The following PLEKHG2 variants were observed in gnomAD, a reference collection of about 807,000 sequenced individuals.
PLEKHG2 encodes the protein pleckstrin homology and RhoGEF domain containing G2.
PLEKHG2 carries 71 observed loss-of-function variants against 104.4 expected under a neutral mutation model. The ratio of observed to expected loss-of-function variants is 0.68; its 90% confidence interval spans 0.56 to 0.83. PLEKHG2 has a LOEUF of 0.83. Ranked by LOEUF, PLEKHG2 falls within the 40% of genes least tolerant of loss-of-function variation. The pLI is 0.00. For missense variants in PLEKHG2, 1,730 were observed against 1,809.4 expected, an observed-to-expected ratio of 0.96 and a Z score of 0.80; for synonymous variants, 728 against 737.0, an observed-to-expected ratio of 0.99 and a Z score of 0.20.
chr19:39,418,241 G>C (rs948239982), intron 9 of PLEKHG2, 136 bp downstream of exon 9: 3 of 786,386 alleles, frequency 3.8e-6, no homozygotes, highest in Non-Finnish European at 5.4e-6. Context: ...GCCAAGGGAA[G>C]CTTTCTTTCT....
Position 39,425,280 on chromosome 19 carries a change from C to G in PLEKHG2, c.4147C>G (p.Pro1383Ala), listed in dbSNP as rs2078768326. 1.2e-6 allele frequency: 2 copies of G among 1,610,868 alleles called. No homozygotes were observed. The highest frequency in any genetic ancestry group is 1.3e-5 in the African/African-American group (1 of 74,746). Residue 1383 changes from proline (P) to alanine (A), a missense_variant, in exon 19 of 19, where the codon CCC (proline) becomes GCC (alanine). Physicochemically the swap from Pro to Ala is conservative, Grantham distance 27. Coordinates refer to ENST00000425673, the MANE Select transcript of PLEKHG2 (RefSeq NM_022835.3). ...CAGGGCCCAGGGGGCTCCTGATGCC[C>G]CCTTCCACATGTGAGCCAGGACATG... is the stretch of plus-strand genomic sequence containing the variant. Reference protein sequence around the residue: ...LHRAQGAPDAPFHM With the variant: ...LHRAQGAPDAAFHM
In PLEKHG2 at chr19:39,416,844, CCCCAGCTCCCTGG is replaced by C; in HGVS notation, c.594-2_604del. On this transcript the variant is annotated splice_acceptor_variant and splice_polypyrimidine_tract_variant and coding_sequence_variant and intron_variant, in exon 7 of 19. Transcript: ENST00000425673. LOFTEE classifies it high-confidence loss of function. The surrounding 1 kb of genome is among the most constrained non-coding windows in gnomAD (Gnocchi z 4.5). ...CAATCCCCACTGACCTGTGCTGTGC[CCCCAGCTCCCTGG>C]CCCTGCTCCGGGAGCTGTCGTTGTC... 6.3e-7 allele frequency: 1 copy of C among 1,598,172 alleles called. No homozygotes were observed. Among genetic ancestry groups the C allele is most frequent in the Non-Finnish European group, 8.5e-7 (1 of 1,173,108 alleles).
Position 39,425,638 on chromosome 19 carries a change from A to C in PLEKHG2, c.*344A>C. ...GGAATCTCAGACTCCTTTGAGAATTATTGGAAAATGGACCCACTATAACTT... is the reference window on the plus strand; with the variant it reads ...GGAATCTCAGACTCCTTTGAGAATTCTTGGAAAATGGACCCACTATAACTT... On this transcript the variant is annotated 3_prime_UTR_variant, in exon 19 of 19. Coordinates refer to ENST00000425673, the MANE Select transcript of PLEKHG2 (RefSeq NM_022835.3). 2.5e-6 allele frequency: 1 copy of C among 399,990 alleles called. No individual in the cohort carries two copies. The highest frequency in any genetic ancestry group is 4.4e-6 in the Non-Finnish European group (1 of 228,060). 24.8% of individuals were successfully genotyped at this position (399,990 alleles called of 1,614,324 possible).
chr19:39,423,964 C>T lies in PLEKHG2; in HGVS notation c.2831C>T (p.Ser944Phe), dbSNP rs2078743009. 1 of 1,614,184 alleles carries T rather than the reference C, an allele frequency of 6.2e-7. No individual in the cohort carries two copies. Among genetic ancestry groups the T allele is most frequent in the Non-Finnish European group, 8.5e-7 (1 of 1,180,020 alleles). The change falls in exon 19 of 19, where the codon TCC (serine) becomes TTC (phenylalanine). Residue 944 changes from serine to phenylalanine, a missense_variant. Coordinates refer to ENST00000425673, the MANE Select transcript of PLEKHG2 (RefSeq NM_022835.3). ...AATLLPEQGG[S>F]RHVQAPAATP... ...ACCCTTTTGCCTGAGCAAGGAGGTT[C>T]CCGGCATGTCCAGGCTCCAGCCGCC...
chr19:39,422,333 G>C, intron 17 of PLEKHG2, 45 bp downstream of exon 17: 3 of 1,578,750 alleles, frequency 1.9e-6, no homozygotes, highest in Non-Finnish European at 2.6e-6. Context: ...CTCTGGGTGT[G>C]GGCACACAGA....
At position 39,416,993 on chromosome 19, in the gene PLEKHG2, T is replaced by C. The variant is rs1163822551; in HGVS notation, c.737T>C (p.Leu246Pro). Residue 246 changes from leucine (L) to proline (P), a missense_variant, in exon 7 of 19, where the codon CTG (leucine) becomes CCG (proline). Transcript: ENST00000425673. The surrounding 1 kb of genome is among the most constrained non-coding windows in gnomAD (Gnocchi z 4.5). The stretch of plus-strand genomic sequence containing the variant: ...CAGCGCATTCTCAAGTACCATCTGC[T>C]GCTGCAGGTCAGCTGGGGCCCCTGG... The part of the protein sequence containing the change: ...PVQRILKYHL[L>P]LQELGKHWAE... 1 of 1,605,082 alleles carries C rather than the reference T, an allele frequency of 6.2e-7. No homozygotes were observed. The highest frequency in any genetic ancestry group is 2.2e-5 in the East Asian group (1 of 44,614).
At position 39,425,441 on chromosome 19, in the gene PLEKHG2, T is replaced by A; in HGVS notation, c.*147T>A. ...TGGTATCTGCATCGGCGAATGGCCCTTCTTGCCTTGATCCACAGGGATGGG... is the reference window on the plus strand; with the variant it reads ...TGGTATCTGCATCGGCGAATGGCCCATCTTGCCTTGATCCACAGGGATGGG... On this transcript the variant is annotated 3_prime_UTR_variant, in exon 19 of 19. Coordinates refer to ENST00000425673, the MANE Select transcript of PLEKHG2 (RefSeq NM_022835.3). The A allele has an allele frequency of 7.6e-7, 1 of 1,307,844 alleles. No individual in the cohort carries two copies. Among genetic ancestry groups the A allele is most frequent in the Non-Finnish European group, 1.0e-6 (1 of 992,512 alleles). 81.0% of individuals were successfully genotyped at this position (1,307,844 alleles called of 1,614,324 possible). A position where few individuals can be genotyped will look rare whatever the true frequency, so the allele number is the denominator to read the frequency against.
rs764884636 is a variant in PLEKHG2 at position 39,421,267 on chromosome 19, A to C, written c.1487-16A>C. 1 of 1,613,590 alleles carries C rather than the reference A, an allele frequency of 6.2e-7. No individual in the cohort carries two copies. The highest frequency in any genetic ancestry group is 8.5e-7 in the Non-Finnish European group (1 of 1,179,642). ...TCTCACTAATGCTTCTCTCTCTCTC[A>C]TCTCTCCATCCTTAGCTAAGCCTGG... is the stretch of plus-strand genomic sequence containing the variant. On this transcript the variant is annotated splice_polypyrimidine_tract_variant and intron_variant, in intron 15 of 18. Coordinates refer to ENST00000425673, the MANE Select transcript of PLEKHG2 (RefSeq NM_022835.3).
chr19:39,415,167 A>T lies in PLEKHG2; in HGVS notation c.285A>T (p.Pro95=). Residue 95 remains proline (P), a synonymous_variant, in exon 3 of 19, where the codon CCA becomes CCT. Coordinates refer to ENST00000425673, the MANE Select transcript of PLEKHG2 (RefSeq NM_022835.3). The surrounding 1 kb of genome is among the most constrained non-coding windows in gnomAD (Gnocchi z 4.6). Reference sequence around the variant, plus strand: ...TACATCTCTCTCCGGTGGGGATCCCAGGTTCAGCCAGACCCTCAAGGCTGG... The same window carrying T: ...TACATCTCTCTCCGGTGGGGATCCCTGGTTCAGCCAGACCCTCAAGGCTGG... ...IRLHLSPVGI[P]GSARPSRLER... The T allele has an allele frequency of 6.3e-7, 1 of 1,596,634 alleles. No individual in the cohort carries two copies. Among genetic ancestry groups the T allele is most frequent in the Non-Finnish European group, 8.5e-7 (1 of 1,171,006 alleles).
At chr19:39,421,262 C>G (rs201805214) in intron 15 of PLEKHG2, 21 bp from the exon 16 acceptor site, 3 of 1,613,830 alleles carry the variant, frequency 1.9e-6, no homozygotes, top group Non-Finnish European at 2.5e-6. Flanking sequence ...GCTTCTCTCT[C>G]TCTCATCTCT....
At chr19:39,417,295 G>A (rs1299438948) in intron 7 of PLEKHG2, among the ~76,000 whole-genome samples, 1 of 152,112 alleles carries the variant, frequency 6.6e-6, no homozygotes. Context: ...TAGGATTACA[G>A]GCGCACACCA....
rs529744489 is a variant in PLEKHG2, at chr19:39,422,381, AT to A, written c.1677+103del. The A allele has an allele frequency of 5.1e-3, 6,134 of 1,198,112 alleles. 3 individuals carry two copies. Among genetic ancestry groups the A allele is most frequent in the African/African-American group, 0.011 (704 of 62,200 alleles). 74.2% of individuals were successfully genotyped at this position (1,198,112 alleles called of 1,614,324 possible). On this transcript the variant is annotated intron_variant, in intron 17 of 18. Transcript: ENST00000425673. ...TAGGCCAGCCCATGCTGATACCTTT[AT>A]TTTTTTTTTATTTGAGATGGAGTCT...
chr19:39,421,417 A>C, intron 16 of PLEKHG2, 118 bp downstream of exon 16: 1 of 1,128,030 alleles, frequency 8.9e-7, no homozygotes, highest in Admixed American at 2.0e-5. Flanking sequence ...CAGACAGAGT[A>C]ACTCATGCCT....
chr19:39,423,225 C>A lies in PLEKHG2; in HGVS notation c.2171C>A (p.Pro724Gln). 1.2e-6 allele frequency: 2 copies of A among 1,613,072 alleles called. No individual in the cohort carries two copies. Among genetic ancestry groups the A allele is most frequent in the Non-Finnish European group, 1.7e-6 (2 of 1,179,172 alleles). The change falls in exon 18 of 19, where the codon CCG becomes CAG. Residue 724 changes from proline (P) to glutamine (Q), a missense_variant. Transcript: ENST00000425673. ...AGCAATCCTGGGAAACTGGGAGAGC[C>A]GCCTTCAGGAGGCAAGGCAGGGCCA... ...SGSNPGKLGE[P>Q]PSGGKAGPEE...
In PLEKHG2 at chr19:39,416,763, C is replaced by T. The variant is rs143822269; in HGVS notation, c.594-87C>T. ...GCCCCGCCCCCTGTCAGACCCTGAC[C>T]CTTCCCAAACCCTGGCCCCTCCCTA... On this transcript the variant is annotated intron_variant, in intron 6 of 18. Transcript: ENST00000425673. The surrounding 1 kb of genome is among the most constrained non-coding windows in gnomAD (Gnocchi z 4.5). 6 of 1,502,874 alleles carry T rather than the reference C, an allele frequency of 4.0e-6. No homozygotes were observed. The highest frequency in any genetic ancestry group is 3.7e-5 in the Admixed American group (2 of 53,458). The allele number at this position is 1,502,874 out of a possible 1,614,324, so 93.1% of individuals were successfully genotyped here.
Position 39,422,140 on chromosome 19 carries a change from A to G in PLEKHG2, c.1529A>G (p.Tyr510Cys), listed in dbSNP as rs1600661377. 1 of 1,610,992 alleles carries G rather than the reference A, an allele frequency of 6.2e-7. No individual in the cohort carries two copies. The change falls in exon 17 of 19, where the codon TAC becomes TGC. Residue 510 changes from tyrosine (Y) to cysteine (C), a missense_variant. By Grantham distance (194) the Tyr-to-Cys change is radical (BLOSUM62 -2). Coordinates refer to ENST00000425673, the MANE Select transcript of PLEKHG2 (RefSeq NM_022835.3). The stretch of plus-strand genomic sequence containing the variant: ...CACGCTGGCAGCGAAGGGGAACTCT[A>G]CCCTCCAGAATCTCAGCCACCAGTT... ...FKHAGSEGEL[Y>C]PPESQPPVSG...
chr19:39,420,188 C>T (rs1339705847), intron 11 of PLEKHG2, among the ~76,000 whole-genome samples: 2 of 151,890 alleles, frequency 1.3e-5, no homozygotes, highest in African/African-American at 4.8e-5. Context: ...GGTGAAACCC[C>T]GTCTCTACTA....
chr19:39,416,639 C>G lies in PLEKHG2; in HGVS notation c.593+42C>G. 6.2e-7 allele frequency: 1 copy of G among 1,608,554 alleles called. No individual in the cohort carries two copies. The highest frequency in any genetic ancestry group is 8.5e-7 in the Non-Finnish European group (1 of 1,175,502). ...CCTGCTGGGCCTCAGGCTGTGCCCA[C>G]AAGCTGATGTGCCAGTCACCCGTCA... is the stretch of plus-strand genomic sequence containing the variant. On this transcript the variant is annotated intron_variant, in intron 6 of 18. Transcript: ENST00000425673. The surrounding 1 kb of genome is among the most constrained non-coding windows in gnomAD (Gnocchi z 4.5).
intron 11 of PLEKHG2, 117 bp from the exon 12 acceptor site, chr19:39,420,509 G>A: frequency 7.5e-7 from 1 of 1,332,880 alleles, no homozygotes; most frequent in East Asian, 2.3e-5. Context: ...GGCGTATAGA[G>A]CAAGATCTAA....
Sources: allele counts gnomAD v4.1 joint callset (sites outside exome capture counted in the v4.1 genomes callset), GRCh38; gene constraint gnomAD v4.1.1; non-coding constraint Gnocchi (gnomAD v3.1); transcripts MANE v1.5; gene names NCBI Gene and HGNC (gene_info 2026-07-23, HGNC 2026-07-21).